PLCB4: variants seen among roughly 807,000 people sequenced by gnomAD.
The protein encoded by PLCB4 is 1-phosphatidylinositol 4,5-bisphosphate phosphodiesterase beta-4.
PLCB4 carries 77 observed loss-of-function variants against 178.8 expected under a neutral mutation model. The ratio of observed to expected loss-of-function variants is 0.43; its 90% CI spans 0.36 to 0.52. The LOEUF (loss-of-function observed/expected upper bound fraction) is 0.52, where lower values mean the gene tolerates loss of function less well. Among genes scored for constraint, PLCB4 ranks in the 20% least tolerant of loss-of-function variants. The pLI, the probability that PLCB4 is intolerant of heterozygous loss-of-function variation, is 0.00. For synonymous variants in PLCB4, 496 were observed against 490.8 expected, an observed-to-expected ratio of 1.01 and a Z score of -0.14; for missense variants, 1,024 against 1,453.4, an observed-to-expected ratio of 0.70 and a Z score of 4.80.
intron 2 of PLCB4, among the ~76,000 whole-genome samples, chr20:9,181,605 C>T (rs190467331): frequency 1.3e-5 from 2 of 152,200 alleles, no homozygotes; most frequent in Admixed American, 1.3e-4. Flanking sequence ...CCTTACATGG[C>T]ACTCAGGTCG....
chr20:9,343,985 G>A (rs1001023626), intron 7 of PLCB4, among the ~76,000 whole-genome samples: 1 of 152,184 alleles, frequency 6.6e-6, no homozygotes, highest in African/African-American at 2.4e-5. Context: ...TGTGCCCCAA[G>A]AGGTATCTAA....
At chr20:9,208,206 A>G (rs2093635050) in intron 2 of PLCB4, among the ~76,000 whole-genome samples, 1 of 152,188 alleles carries the variant, frequency 6.6e-6, no homozygotes, top group Non-Finnish European at 1.5e-5. Context: ...GGGTGAATTC[A>G]TGCTCCTTTG....
Position 9,423,900 on chromosome 20 carries a change from A to G in PLCB4, c.2472A>G (p.Pro824=). Residue 824 remains proline, a synonymous_variant, in exon 28 of 40, where the codon CCA becomes CCG. Transcript: ENST00000378473. ...AGGGAAATAAACCATTATCACTACCAACAATTTTCTGCAATATTGTTCTTA... is the reference window on the plus strand; with the variant it reads ...AGGGAAATAAACCATTATCACTACCGACAATTTTCTGCAATATTGTTCTTA... ...RNEGNKPLSL[P]TIFCNIVLKT... 2 of 1,613,736 alleles carry G rather than the reference A, an allele frequency of 1.2e-6. No individual in the cohort carries two copies. Among genetic ancestry groups the G allele is most frequent in the Non-Finnish European group, 1.7e-6 (2 of 1,179,638 alleles).
intron 3 of PLCB4, among the ~76,000 whole-genome samples, chr20:9,224,971 G>C (rs1369333179): frequency 6.6e-6 from 1 of 152,104 alleles, no homozygotes; most frequent in East Asian, 1.9e-4. Context: ...CTTTTGTGAA[G>C]TCATACTTTC....
intron 2 of PLCB4, among the ~76,000 whole-genome samples, chr20:9,164,586 A>G (rs928446317): frequency 6.6e-6 from 1 of 152,204 alleles, no homozygotes; most frequent in Non-Finnish European, 1.5e-5. Context: ...TTCTTATTAG[A>G]AGCATTAGAA....
chr20:9,323,729 G>A (rs1275954406), intron 4 of PLCB4, among the ~76,000 whole-genome samples: 2 of 152,140 alleles, frequency 1.3e-5, no homozygotes, highest in African/African-American at 4.8e-5. Flanking sequence ...TTTTGCTGCA[G>A]GGGCTTCAGC....
chr20:9,380,208 T>G (rs374597630), intron 13 of PLCB4, 46 bp downstream of exon 13: 39 of 970,786 alleles, frequency 4.0e-5, no homozygotes, highest in Non-Finnish European at 6.0e-5. Context: ...CAAGAAAAGA[T>G]GCAACTTTTA....
chr20:9,074,286 C>T (rs1258177268), intron 1 of PLCB4, among the ~76,000 whole-genome samples: 1 of 152,156 alleles, frequency 6.6e-6, no homozygotes, highest in Non-Finnish European at 1.5e-5. Context: ...ACTACAGGTG[C>T]TCAAAGGATC....
intron 2 of PLCB4, among the ~76,000 whole-genome samples, chr20:9,119,530 A>C (rs908531312): frequency 2.0e-4 from 31 of 152,012 alleles, no homozygotes; most frequent in African/African-American, 7.2e-4. Flanking sequence ...AAAAAAAAAA[A>C]AACAAAGTAG....
chr20:9,174,479 AC>A (rs1568894161), intron 2 of PLCB4, among the ~76,000 whole-genome samples: 2 of 143,554 alleles, frequency 1.4e-5, no homozygotes, highest in Admixed American at 1.4e-4. Flanking sequence ...TTTCAATTTT[AC>A]CTGGCAATAT....
chr20:9,208,949 T>C (rs1464739200), intron 2 of PLCB4, among the ~76,000 whole-genome samples: 2 of 152,222 alleles, frequency 1.3e-5, no homozygotes, highest in African/African-American at 4.8e-5. Context: ...TAACACCATG[T>C]ACAAAATATA....
intron 2 of PLCB4, among the ~76,000 whole-genome samples, chr20:9,127,195 C>T (rs1438198304): frequency 2.6e-5 from 4 of 152,038 alleles, no homozygotes; most frequent in African/African-American, 9.7e-5. Flanking sequence ...GCACAAATCA[C>T]CCGAGTATCT....
chr20:9,094,543 C>T (rs957505989), intron 1 of PLCB4, among the ~76,000 whole-genome samples: 5 of 152,032 alleles, frequency 3.3e-5, no homozygotes, highest in South Asian at 2.1e-4. Flanking sequence ...TATTATGGAA[C>T]ATTTTGAATA....
At chr20:9,384,089 T>C (rs1456451913) in intron 13 of PLCB4, 112 bp from the exon 14 acceptor site, 8 of 752,960 alleles carry the variant, frequency 1.1e-5, no homozygotes, top group Admixed American at 2.2e-5. Flanking sequence ...GGAAAGAGAC[T>C]GTGAAGACGT....
At chr20:9,107,170 C>G (rs1475537803) in intron 2 of PLCB4, among the ~76,000 whole-genome samples, 3 of 152,074 alleles carry the variant, frequency 2.0e-5, no homozygotes, top group Non-Finnish European at 1.5e-5. Flanking sequence ...AAAGAAAAAC[C>G]AGGTTATAGT....
intron 3 of PLCB4, among the ~76,000 whole-genome samples, chr20:9,252,673 A>C (rs1239706458): frequency 6.6e-6 from 1 of 152,212 alleles, no homozygotes; most frequent in Non-Finnish European, 1.5e-5. Flanking sequence ...AGGATGTTTC[A>C]GGAAGAAATT....
intron 3 of PLCB4, among the ~76,000 whole-genome samples, chr20:9,284,134 A>G (rs1320095801): frequency 6.6e-6 from 1 of 152,044 alleles, no homozygotes; most frequent in Non-Finnish European, 1.5e-5. Flanking sequence ...GATGTGTGTT[A>G]CGTAGAAAAA....
chr20:9,391,669 C>G (rs2038158233), intron 17 of PLCB4, among the ~76,000 whole-genome samples: 1 of 152,184 alleles, frequency 6.6e-6, no homozygotes, highest in Non-Finnish European at 1.5e-5. Context: ...GCAGTGCCTC[C>G]TGTTTCCCTG....
At chr20:9,286,441 G>C (rs2094537239) in intron 3 of PLCB4, among the ~76,000 whole-genome samples, 1 of 151,958 alleles carries the variant, frequency 6.6e-6, no homozygotes, top group South Asian at 2.1e-4. Context: ...TCTGGCTTCT[G>C]GTTTTACTTC....
Sources: allele counts gnomAD v4.1 joint callset (sites outside exome capture counted in the v4.1 genomes callset), GRCh38; gene constraint gnomAD v4.1.1; transcripts MANE v1.5; gene names NCBI Gene and HGNC (gene_info 2026-07-23, HGNC 2026-07-21).